PTPRN: variants seen among roughly 807,000 people sequenced by gnomAD.
PTPRN encodes the protein receptor-type tyrosine-protein phosphatase-like N.
PTPRN carries 70 observed loss-of-function variants against 108.5 expected under a neutral mutation model. The ratio of observed to expected loss-of-function variants is 0.65; its 90% CI spans 0.53 to 0.79. The LOEUF (loss-of-function observed/expected upper bound fraction) is 0.79, where lower values mean the gene tolerates loss of function less well. Ranked by LOEUF, PTPRN falls within the 30% of genes least tolerant of loss-of-function variation. The pLI is 0.00. For synonymous variants in PTPRN, 496 were observed against 524.6 expected (o/e 0.95, Z 0.75); for missense variants, 1,136 against 1,295.5 (o/e 0.88, Z 1.89).
In PTPRN at chr2:219,301,636, G is replaced by T; in HGVS notation, c.1078C>A (p.Leu360Ile). 6.2e-7 allele frequency: 1 copy of T among 1,613,578 alleles called. No individual in the cohort carries two copies. Among genetic ancestry groups the T allele is most frequent in the African/African-American group, 1.3e-5 (1 of 75,054 alleles). ...GGCAGTAGCTGCAGCAGGGTCAGGA[G>T]TGTGGAGAGCTGCTCAGGGGTCAGC... ...RQLTPEQLST[L>I]LTLLQLLPKG... is the part of the protein sequence containing the mutation. The change falls in exon 7 of 23, where the codon CTC becomes ATC. Residue 360 changes from leucine (L) to isoleucine (I), a missense_variant. Leu to Ile is a conservative substitution (Grantham distance 5, BLOSUM62 2). Coordinates refer to ENST00000295718, the MANE Select transcript of PTPRN (RefSeq NM_002846.4).
chr2:219,298,504 A>G (rs1952259251), intron 12 of PTPRN, among the ~76,000 whole-genome samples: 1 of 152,142 alleles, frequency 6.6e-6, no homozygotes, highest in South Asian at 2.1e-4. Context: ...CGGGAGTTCG[A>G]GACCAGCCTG....
intron 3 of PTPRN, among the ~76,000 whole-genome samples, chr2:219,305,194 C>G (rs761647686): frequency 2.0e-5 from 3 of 152,044 alleles, no homozygotes; most frequent in Non-Finnish European, 4.4e-5. Flanking sequence ...GCTTCCCCTT[C>G]TCAGTCTCCC....
intron 11 of PTPRN, 53 bp from the exon 12 acceptor site, chr2:219,299,164 T>C (rs1952277712): frequency 1.2e-6 from 2 of 1,610,626 alleles, no homozygotes; most frequent in South Asian, 1.1e-5. Context: ...GTCTCCATCC[T>C]CTGTCTTGCT....
chr2:219,305,914 C>G (rs1024121323), intron 3 of PTPRN, among the ~76,000 whole-genome samples: 1 of 152,194 alleles, frequency 6.6e-6, no homozygotes, highest in Non-Finnish European at 1.5e-5. Context: ...CTTTGGGAGG[C>G]CCAGGCAGAT....
intron 12 of PTPRN, among the ~76,000 whole-genome samples, chr2:219,298,461 T>C (rs1481519932): frequency 6.6e-6 from 1 of 152,144 alleles, no homozygotes; most frequent in African/African-American, 2.4e-5. Context: ...CTCAGCACTT[T>C]GGGGGGCCAA....
intron 3 of PTPRN, among the ~76,000 whole-genome samples, chr2:219,306,581 A>T (rs749646861): frequency 2.0e-5 from 3 of 152,116 alleles, no homozygotes; most frequent in Non-Finnish European, 2.9e-5. Flanking sequence ...TTCCTTCTTT[A>T]CTCAGAGTAA....
In PTPRN at chr2:219,299,487, C is replaced by G. The variant is rs1249416982; in HGVS notation, c.1524-103G>C. On this transcript the variant is annotated intron_variant, in intron 10 of 22. Transcript: ENST00000295718. ...TCCCCGTTAGAGGATGGGGCTGGAG[C>G]AGATCGGGGATGCCCTACAGGGGCA... 4.7e-5 allele frequency: 64 copies of G among 1,373,450 alleles called. 1 individual carries two copies. The South Asian group carries it at 7.6e-4, about 16-fold the overall frequency. 85.1% of individuals were successfully genotyped at this position (1,373,450 alleles called of 1,614,324 possible).
chr2:219,304,549 C>T (rs1250168140), intron 3 of PTPRN, among the ~76,000 whole-genome samples: 5 of 151,148 alleles, frequency 3.3e-5, no homozygotes, highest in Non-Finnish European at 4.4e-5. Context: ...TAATTTCCCA[C>T]TTTTCACCCT....
chr2:219,298,159 T>C (rs1246212485), intron 12 of PTPRN, 56 bp from the exon 13 acceptor site: 40 of 1,550,122 alleles, frequency 2.6e-5, no homozygotes, highest in Non-Finnish European at 3.4e-5. Flanking sequence ...GTTTCAGAGC[T>C]GCTCCTCACC....
chr2:219,304,922 C>A (rs767193396), intron 3 of PTPRN, among the ~76,000 whole-genome samples: 6 of 152,190 alleles, frequency 3.9e-5, no homozygotes, highest in Non-Finnish European at 7.3e-5. Context: ...AAAAAGTTGT[C>A]TATACTGACT....
In PTPRN at chr2:219,300,079, T is replaced by C. The variant is rs1402078317; in HGVS notation, c.1342A>G (p.Lys448Glu). Residue 448 changes from lysine to glutamate, a missense_variant, in exon 9 of 23, where the codon AAA (lysine) becomes GAA (glutamate). Physicochemically the swap from Lys to Glu is moderately conservative, Grantham distance 56. Transcript: ENST00000295718. Reference protein sequence around the residue: ...PPVTPVLLEKKSPLGQSQPTV... With the variant: ...PPVTPVLLEKESPLGQSQPTV... ...GGCTGGCTCTGGCCCAGTGGGCTTT[T>C]CTTCTCTAGCAGGACAGGTGTCACA... The C allele has an allele frequency of 1.9e-6, 3 of 1,614,104 alleles. No individual in the cohort carries two copies. Among genetic ancestry groups the C allele is most frequent in the African/African-American group, 2.7e-5 (2 of 74,944 alleles).
Position 219,290,084 on chromosome 2 carries a change from G to A in PTPRN, c.*142C>T. ...AGGCTGGGCAGGCGTGCCCCTTCTG[G>A]CTTTCCCTTCCTGACTCTTCTAGGA... On this transcript the variant is annotated 3_prime_UTR_variant, in exon 23 of 23. Transcript: ENST00000295718. The surrounding 1 kb of genome is among the most constrained non-coding windows in gnomAD (Gnocchi z 4.2). The A allele has an allele frequency of 2.5e-6, 2 of 805,032 alleles. No homozygotes were observed. The highest frequency in any genetic ancestry group is 4.1e-6 in the Non-Finnish European group (2 of 492,276). The allele number at this position is 805,032 out of a possible 1,614,324, so 49.9% of individuals were successfully genotyped here. A position where few individuals can be genotyped will look rare whatever the true frequency, so the allele number is the denominator to read the frequency against.
In PTPRN at chr2:219,303,731, C is replaced by G; in HGVS notation, c.377+4G>C. On this transcript the variant is annotated splice_donor_region_variant and intron_variant, in intron 4 of 22. Transcript: ENST00000295718. ...TGCTAGAGTTGTAGAGAAAGGCTGCCTACCTGTCCCTTGGACGGGGCTCTG... is the reference window on the plus strand; with the variant it reads ...TGCTAGAGTTGTAGAGAAAGGCTGCGTACCTGTCCCTTGGACGGGGCTCTG... 1 of 1,611,824 alleles carries G rather than the reference C, an allele frequency of 6.2e-7. No individual in the cohort carries two copies. The highest frequency in any genetic ancestry group is 8.5e-7 in the Non-Finnish European group (1 of 1,178,056).
At chr2:219,308,879 C>A in intron 1 of PTPRN, 2 of 1,345,854 alleles carry the variant, frequency 1.5e-6, no homozygotes, top group Non-Finnish European at 2.0e-6. Context: ...CGCCTGTCAC[C>A]ACCTCCCAGG....
At position 219,300,093 on chromosome 2, in the gene PTPRN, A is replaced by T; in HGVS notation, c.1328T>A (p.Val443Asp). 1.2e-6 allele frequency: 2 copies of T among 1,614,104 alleles called. No homozygotes were observed. Among genetic ancestry groups the T allele is most frequent in the Non-Finnish European group, 1.7e-6 (2 of 1,180,008 alleles). Reference protein sequence around the residue: ...PKAARPPVTPVLLEKKSPLGQ... With the variant: ...PKAARPPVTPDLLEKKSPLGQ... ...CAGTGGGCTTTTCTTCTCTAGCAGG[A>T]CAGGTGTCACAGGGGGTCTGGCAGC... Residue 443 changes from valine to aspartate, a missense_variant, in exon 9 of 23, where the codon GTC becomes GAC. By Grantham distance (152) the Val-to-Asp change is radical (BLOSUM62 -3). Transcript: ENST00000295718.
intron 4 of PTPRN, 82 bp from the exon 5 acceptor site, chr2:219,302,919 G>T (rs1007626085): frequency 6.6e-7 from 1 of 1,511,234 alleles, no homozygotes; most frequent in African/African-American, 1.4e-5. Flanking sequence ...TCGGGGCCAG[G>T]CAGGCTCAGC....
At position 219,290,762 on chromosome 2, in the gene PTPRN, CTG is replaced by C. The variant is rs1952034675; in HGVS notation, c.2794+62_2794+63del. 6.4e-7 allele frequency: 1 copy of C among 1,555,134 alleles called. No homozygotes were observed. The highest frequency in any genetic ancestry group is 1.7e-5 in the Admixed American group (1 of 59,848). ...CTGCTCCTTCTGAGCTCCCAGGACC[CTG>C]TGTGCTGGGGAGCCTCTAAAAAGGG... On this transcript the variant is annotated intron_variant, in intron 21 of 22. Transcript: ENST00000295718. This position sits in a 1 kb window ranked among gnomAD's most constrained non-coding sequence, Gnocchi z 4.2.
Position 219,302,330 on chromosome 2 carries a change from A to G in PTPRN, c.801T>C (p.Pro267=). The G allele has an allele frequency of 6.2e-7, 1 of 1,613,770 alleles. No individual in the cohort carries two copies. Among genetic ancestry groups the G allele is most frequent in the South Asian group, 1.1e-5 (1 of 91,034 alleles). Residue 267 remains proline, a synonymous_variant, in exon 6 of 23, where the codon CCT becomes CCC. Coordinates refer to ENST00000295718, the MANE Select transcript of PTPRN (RefSeq NM_002846.4). ...PGHSYGDLPG[P]SPAQLFQDSG... ...AGTCTTGAAAAAGCTGGGCAGGTGA[A>G]GGCCCTGGAAGGTCCCCGTAGGAGT...
rs12472762 is a variant in PTPRN at position 219,290,383 on chromosome 2, G to A, written c.2869-86C>T. 0.032 allele frequency: 45,337 copies of A among 1,416,064 alleles called. 7,697 individuals carry two copies. In the East Asian group the frequency reaches 0.51, roughly 16 times the overall value. 87.7% of individuals were successfully genotyped at this position (1,416,064 alleles called of 1,614,324 possible). A position where few individuals can be genotyped will look rare whatever the true frequency, so the allele number is the denominator to read the frequency against. ...ATGGGGGGCTTTTGGTGGGGGGAGG[G>A]CCCTGGGCAGGTCCCCTGGGAGGAA... On this transcript the variant is annotated intron_variant, in intron 22 of 22. Coordinates refer to ENST00000295718, the MANE Select transcript of PTPRN (RefSeq NM_002846.4). The surrounding 1 kb of genome is among the most constrained non-coding windows in gnomAD (Gnocchi z 4.2).
Sources: gnomAD v4.1 joint callset for allele counts (sites outside exome capture counted in the v4.1 genomes callset) on GRCh38, gnomAD v4.1.1 for gene constraint, Gnocchi (gnomAD v3.1) non-coding constraint, MANE v1.5 for transcripts, NCBI Gene and HGNC (gene_info 2026-07-23, HGNC 2026-07-21) for gene names.